Variants in MAP3K20 observed in about 807,000 individuals in gnomAD.
The protein encoded by MAP3K20 is HCCS-4.
MAP3K20 carries 40 observed loss-of-function variants against 85.7 expected under a neutral mutation model. That is an observed-to-expected ratio of 0.47 (90% CI 0.36 to 0.61). The LOEUF is 0.61. Ranked by LOEUF, MAP3K20 falls within the 20% of genes least tolerant of loss-of-function variation. MAP3K20 has a pLI of 0.00. For missense variants in MAP3K20, 817 were observed against 961.7 expected (o/e 0.85, Z 1.99); for synonymous variants, 325 against 327.7 (o/e 0.99, Z 0.09).
chr2:173,088,030 TAGA>T (rs1169591005), intron 1 of MAP3K20, among the ~76,000 whole-genome samples: 1 of 151,454 alleles, frequency 6.6e-6, no homozygotes, highest in Non-Finnish European at 1.5e-5. Context: ...ATGAAGGGCC[TAGA>T]AGGAGTGTCT....
In MAP3K20 at chr2:173,263,003, T is replaced by C. The variant is rs148949528; in HGVS notation, c.1552-742T>C. ...CCTCCTCCTCCTTTTTCAGACCCCA[T>C]GATGATATGCCACTTTTGTCTGGGT... On this transcript the variant is annotated intron_variant, in intron 18 of 19. Coordinates refer to ENST00000375213, the MANE Select transcript of MAP3K20 (RefSeq NM_016653.3). Among the ~76,000 whole-genome samples, 483 of 152,318 alleles carry C rather than the reference T, an allele frequency of 3.2e-3. 2 individuals carry two copies. The highest frequency in any genetic ancestry group is 0.011 in the African/African-American group (447 of 41,562).
intron 11 of MAP3K20, chr2:173,222,923 T>G: frequency 6.1e-6 from 6 of 985,260 alleles, no homozygotes; most frequent in Non-Finnish European, 7.2e-6. Flanking sequence ...AACTAAGACT[T>G]TTTTCAAACT....
At chr2:173,153,275 C>G (rs1433796423) in intron 2 of MAP3K20, among the ~76,000 whole-genome samples, 1 of 152,172 alleles carries the variant, frequency 6.6e-6, no homozygotes, top group Non-Finnish European at 1.5e-5. Flanking sequence ...TAACTTTTCT[C>G]TAAGTCTTTG....
At chr2:173,109,907 T>TA (rs1336154176) in intron 2 of MAP3K20, among the ~76,000 whole-genome samples, 3 of 151,956 alleles carry the variant, frequency 2.0e-5, no homozygotes, top group African/African-American at 7.2e-5. Context: ...TGTAATTTTT[T>TA]AAAAAATGAA....
chr2:173,130,027 T>C (rs1688562992), intron 2 of MAP3K20, among the ~76,000 whole-genome samples: 1 of 152,232 alleles, frequency 6.6e-6, no homozygotes, highest in Admixed American at 6.5e-5. Flanking sequence ...CATAAGTTGA[T>C]ATATTTCCAA....
intron 8 of MAP3K20, among the ~76,000 whole-genome samples, chr2:173,201,391 T>C (rs962355583): frequency 6.6e-6 from 1 of 152,218 alleles, no homozygotes; most frequent in African/African-American, 2.4e-5. Flanking sequence ...TCATTCAGAA[T>C]GTTCTGGTAG....
chr2:173,190,038 GCTTT>G (rs1690602089), intron 5 of MAP3K20, among the ~76,000 whole-genome samples: 2 of 152,168 alleles, frequency 1.3e-5, no homozygotes, highest in South Asian at 4.1e-4. Context: ...TTGTTCATTG[GCTTT>G]CTCTTTCTCT....
At chr2:173,217,057 C>T (rs2106314921) in intron 10 of MAP3K20, 58 bp from the exon 11 acceptor site, 2 of 1,362,780 alleles carry the variant, frequency 1.5e-6, no homozygotes, top group East Asian at 2.7e-5. Context: ...GATGGACCCA[C>T]TAAGCGCTTG....
Position 173,187,573 on chromosome 2 carries a change from A to C in MAP3K20, c.365A>C (p.His122Pro), listed in dbSNP as rs1235414325. 1 of 1,606,972 alleles carries C rather than the reference A, an allele frequency of 6.2e-7. No individual in the cohort carries two copies. Residue 122 changes from histidine (H) to proline (P), a missense_variant, in exon 5 of 20, where the codon CAT (histidine) becomes CCT (proline). Physicochemically the swap from His to Pro is moderately conservative, Grantham distance 77. This residue lies in a region of MAP3K20 where 200 missense variants were observed against 302.7 expected (regional missense o/e 0.66). Coordinates refer to ENST00000375213, the MANE Select transcript of MAP3K20 (RefSeq NM_016653.3). The part of the protein sequence containing the change: ...TDVAKGMHYL[H>P]MEAPVKVIHR... ...GTGTGAAAAGGAATGCATTATTTAC[A>C]TATGGAGGCTCCTGTCAAGGTGATT...
intron 16 of MAP3K20, among the ~76,000 whole-genome samples, chr2:173,239,782 A>G (rs1175977174): frequency 6.6e-6 from 1 of 152,200 alleles, no homozygotes; most frequent in African/African-American, 2.4e-5. Flanking sequence ...TGGATACCAG[A>G]CTGTGTATAC....
intron 17 of MAP3K20, among the ~76,000 whole-genome samples, chr2:173,259,474 C>A (rs1187388304): frequency 6.6e-6 from 1 of 152,184 alleles, no homozygotes; most frequent in Non-Finnish European, 1.5e-5. Flanking sequence ...AGAAGGTCAA[C>A]AACTTCAGGT....
At chr2:173,237,284 C>G (rs980780984) in intron 14 of MAP3K20, among the ~76,000 whole-genome samples, 6 of 152,050 alleles carry the variant, frequency 3.9e-5, no homozygotes, top group South Asian at 2.1e-4. Flanking sequence ...ACCTCAGCAT[C>G]CCAAAGTGCT....
In MAP3K20 at chr2:173,212,033, C is replaced by T. The variant is rs1028878963; in HGVS notation, c.851+2198C>T. The T allele has an allele frequency of 2.6e-4, 39 of 152,312 alleles. 1 individual carries two copies. Among genetic ancestry groups the T allele is most frequent in the African/African-American group, 9.1e-4 (38 of 41,572 alleles). The allele number at this position is 152,312 out of a possible 1,614,324, so 9.4% of individuals were successfully genotyped here. On this transcript the variant is annotated intron_variant, in intron 10 of 19. Coordinates refer to ENST00000375213, the MANE Select transcript of MAP3K20 (RefSeq NM_016653.3). ...ACAGCATCAAAATGTGCCTTGAACACAGCATTTGCTCCGTAAATATTTGGG... is the reference window on the plus strand; with the variant it reads ...ACAGCATCAAAATGTGCCTTGAACATAGCATTTGCTCCGTAAATATTTGGG...
At chr2:173,240,567 G>A (rs1045687387) in intron 16 of MAP3K20, among the ~76,000 whole-genome samples, 1 of 152,180 alleles carries the variant, frequency 6.6e-6, no homozygotes, top group Non-Finnish European at 1.5e-5. Context: ...ATGGCCAACA[G>A]GTATATGGAA....
chr2:173,208,221 G>C (rs7601536), intron 9 of MAP3K20, among the ~76,000 whole-genome samples: 1 of 151,732 alleles, frequency 6.6e-6, no homozygotes, highest in Non-Finnish European at 1.5e-5. Context: ...GCAAGATGGC[G>C]AGACCCCTCT....
At position 173,139,161 on chromosome 2, in the gene MAP3K20, G is replaced by C. The variant is rs868568910; in HGVS notation, c.160-30644G>C. ...ATGAAGCAAGTGTGTATGATTCCCA[G>C]AAGCACACTGGAGAAGTACAGTGCT... On this transcript the variant is annotated intron_variant, in intron 2 of 19. Transcript: ENST00000375213. Among the ~76,000 whole-genome samples the C allele has an allele frequency of 3.3e-5, 5 of 152,216 alleles. No individual in the cohort carries two copies. The South Asian group carries it at 1.0e-3, about 31-fold the overall frequency.
At chr2:173,219,191 A>T (rs1684162594) in intron 11 of MAP3K20, among the ~76,000 whole-genome samples, 2 of 152,332 alleles carry the variant, frequency 1.3e-5, no homozygotes, top group South Asian at 4.2e-4. Context: ...TGAAATAAAC[A>T]TTTTAAAAAG....
chr2:173,097,521 G>C (rs749231057), intron 2 of MAP3K20, among the ~76,000 whole-genome samples: 14 of 152,056 alleles, frequency 9.2e-5, no homozygotes, highest in Non-Finnish European at 1.8e-4. Context: ...CTTGAAATCT[G>C]TTGATACTCA....
At chr2:173,136,011 T>C (rs1251842245) in intron 2 of MAP3K20, among the ~76,000 whole-genome samples, 2 of 152,236 alleles carry the variant, frequency 1.3e-5, no homozygotes, top group Non-Finnish European at 2.9e-5. Flanking sequence ...TTCACTGCTT[T>C]TTAGTTTAGA....
Sources: allele counts gnomAD v4.1 joint callset (sites outside exome capture counted in the v4.1 genomes callset), GRCh38; gene constraint gnomAD v4.1.1; regional missense constraint gnomAD v4.1.1; transcripts MANE v1.5; gene names NCBI Gene and HGNC (gene_info 2026-07-23, HGNC 2026-07-21).